KYAT3: variants seen among roughly 807,000 people sequenced by gnomAD.
The protein encoded by KYAT3 is kynurenine--oxoglutarate transaminase 3.
Under a neutral mutation model 59.0 loss-of-function variants are expected in KYAT3, and 50 were observed. The ratio of observed to expected loss-of-function variants is 0.85; its 90% CI spans 0.68 to 1.07. KYAT3 has a LOEUF of 1.07. Among genes scored for constraint, KYAT3 ranks in the 50% least tolerant of loss-of-function variants. The pLI is 0.00. For missense variants in KYAT3, 497 were observed against 533.3 expected, an observed-to-expected ratio of 0.93 and a Z score of 0.67; for synonymous variants, 148 against 177.0, an observed-to-expected ratio of 0.84 and a Z score of 1.30.
intron 8 of KYAT3, among the ~76,000 whole-genome samples, 189 bp from the exon 9 acceptor site, chr1:88,955,414 A>G (rs1481906263): frequency 6.6e-6 from 1 of 152,202 alleles, no homozygotes; most frequent in Non-Finnish European, 1.5e-5. Context: ...AAAGTTTACA[A>G]TACTGTAATG....
At chr1:88,951,266 CTGT>C (rs1003188353) in intron 10 of KYAT3, among the ~76,000 whole-genome samples, 5 of 148,958 alleles carry the variant, frequency 3.4e-5, no homozygotes, top group African/African-American at 5.0e-5. Context: ...CGAAGTCTTG[CTGT>C]TGTTGCCCAG....
At chr1:88,953,607 C>T (rs1432843350) in intron 9 of KYAT3, among the ~76,000 whole-genome samples, 1 of 150,312 alleles carries the variant, frequency 6.7e-6, no homozygotes, top group African/African-American at 2.4e-5. Flanking sequence ...TACTTAGAAT[C>T]ATTTCAATGG....
At chr1:88,961,635 CA>C (rs1266630967) in intron 6 of KYAT3, 129 bp from the exon 7 acceptor site, 1 of 769,018 alleles carries the variant, frequency 1.3e-6, no homozygotes, top group African/African-American at 1.8e-5. Context: ...AAATTACCAA[CA>C]AATGCTTTCC....
At chr1:88,934,696 T>G (rs1674977674), downstream of KYAT3, among the ~76,000 whole-genome samples, 1 of 152,132 alleles carries the variant, frequency 6.6e-6, no homozygotes. Context: ...AAGCAACTTG[T>G]CTGAAGTGAT....
chr1:88,969,485 T>G lies in KYAT3; in HGVS notation c.100-18A>C, dbSNP rs770073810. 13 of 1,448,948 alleles carry G rather than the reference T, an allele frequency of 9.0e-6. No homozygotes were observed. The highest frequency in any genetic ancestry group is 1.7e-4 in the Middle Eastern group (1 of 5,726). 89.8% of individuals were successfully genotyped at this position (1,448,948 alleles called of 1,614,324 possible). On this transcript the variant is annotated intron_variant, in intron 2 of 13. Coordinates refer to ENST00000260508, the MANE Select transcript of KYAT3 (RefSeq NM_001008661.3). ...GACATTTTCTGAAATATATAAATAT[T>G]GAAAAGGAATTGCCTTAGTCAAAAT...
chr1:88,952,024 G>A (rs759311576), intron 10 of KYAT3, among the ~76,000 whole-genome samples: 4 of 152,192 alleles, frequency 2.6e-5, no homozygotes, highest in Non-Finnish European at 4.4e-5. Flanking sequence ...GACTCTCCTA[G>A]AGCCTTCAGA....
chr1:88,947,751 T>C (rs1423770381), intron 11 of KYAT3, among the ~76,000 whole-genome samples: 1 of 152,136 alleles, frequency 6.6e-6, no homozygotes, highest in African/African-American at 2.4e-5. Flanking sequence ...TTTGCTAAGA[T>C]GATAATGAAC....
At chr1:88,983,117 G>C in intron 2 of KYAT3, 2 of 1,612,362 alleles carry the variant, frequency 1.2e-6, no homozygotes, top group South Asian at 2.2e-5. Flanking sequence ...ATCTCGTGGT[G>C]GTGGTGCATA....
chr1:88,965,646 C>T (rs1453639142), intron 4 of KYAT3, among the ~76,000 whole-genome samples: 6 of 151,836 alleles, frequency 4.0e-5, no homozygotes, highest in Non-Finnish European at 7.4e-5. Context: ...CTTCTAGGCT[C>T]TCTCCCCTTC....
At chr1:88,933,959 C>A (rs139647220), downstream of KYAT3, among the ~76,000 whole-genome samples, 1 of 152,080 alleles carries the variant, frequency 6.6e-6, no homozygotes, top group Non-Finnish European at 1.5e-5. Flanking sequence ...ACCATTATAA[C>A]TGGAGGGAAG....
At chr1:88,992,912 C>T (rs965907483), upstream of KYAT3, 3 of 150,702 alleles carry the variant, frequency 2.0e-5, no homozygotes, top group African/African-American at 4.9e-5. Context: ...TGGGGTCCGC[C>T]GCGATCGCGG....
chr1:88,964,759 C>A (rs112266029), intron 5 of KYAT3, 70 bp downstream of exon 5: 6 of 1,205,498 alleles, frequency 5.0e-6, no homozygotes, highest in Non-Finnish European at 7.2e-6. Context: ...AGAATATAAG[C>A]GAAAGATTCA....
intron 2 of KYAT3, chr1:88,981,019 C>G (rs1367554169): frequency 1.3e-5 from 2 of 152,316 alleles, no homozygotes; most frequent in Middle Eastern, 3.4e-3. Flanking sequence ...TCTAATCCAA[C>G]AACTCAAGTC....
chr1:88,926,681 T>C, the KYAT3 span, among the ~76,000 whole-genome samples: 1 of 152,160 alleles, frequency 6.6e-6, no homozygotes, highest in East Asian at 1.9e-4. Context: ...CAGTAATTGA[T>C]AGGGAGACTC....
At chr1:88,935,766 A>G, downstream of KYAT3, 1 of 379,518 alleles carries the variant, frequency 2.6e-6, no homozygotes, top group Non-Finnish European at 4.7e-6. Context: ...AATGGTGGAA[A>G]CATGAAACCG....
At chr1:88,947,180 A>C (rs1224259950) in intron 11 of KYAT3, among the ~76,000 whole-genome samples, 2 of 152,174 alleles carry the variant, frequency 1.3e-5, no homozygotes, top group Non-Finnish European at 2.9e-5. Context: ...GATATGCCAC[A>C]GTGACCACCT....
At chr1:88,961,556 C>G (rs1446998117) in intron 6 of KYAT3, 50 bp from the exon 7 acceptor site, 2 of 1,517,890 alleles carry the variant, frequency 1.3e-6, no homozygotes, top group African/African-American at 2.8e-5. Context: ...GTCATGTTTA[C>G]TGTCTTACAA....
intron 2 of KYAT3, among the ~76,000 whole-genome samples, chr1:88,979,015 CA>C (rs1676938681): frequency 6.6e-6 from 1 of 152,106 alleles, no homozygotes; most frequent in Admixed American, 6.5e-5. Flanking sequence ...GGGGAAGAGA[CA>C]AGTGCATAAG....
chr1:88,944,450 T>A (rs1295616497), intron 11 of KYAT3, among the ~76,000 whole-genome samples: 1 of 152,196 alleles, frequency 6.6e-6, no homozygotes, highest in African/African-American at 2.4e-5. Flanking sequence ...GAACATAAAA[T>A]TTCCAAGTAA....
Sources: gnomAD v4.1 joint callset for allele counts (sites outside exome capture counted in the v4.1 genomes callset) on GRCh38, gnomAD v4.1.1 for gene constraint, MANE v1.5 for transcripts, NCBI Gene and HGNC (gene_info 2026-07-23, HGNC 2026-07-21) for gene names.